CNTNAP5: variants seen among roughly 807,000 people sequenced by gnomAD.
CNTNAP5 encodes contactin associated protein family member 5.
Under a neutral mutation model 150.2 loss-of-function variants are expected in CNTNAP5, and 72 were observed. That is an observed-to-expected ratio of 0.48 (90% CI 0.40 to 0.58). CNTNAP5 has a LOEUF of 0.58. Among genes scored for constraint, CNTNAP5 ranks in the 20% least tolerant of loss-of-function variants. CNTNAP5 has a pLI of 0.00. For synonymous variants in CNTNAP5, 672 were observed against 619.8 expected (o/e 1.08, Z -1.25); for missense variants, 1,636 against 1,626.2 (o/e 1.01, Z -0.10).
chr2:124,874,390 G>A (rs1459777018), intron 21 of CNTNAP5, among the ~76,000 whole-genome samples: 1 of 152,036 alleles, frequency 6.6e-6, no homozygotes, highest in East Asian at 1.9e-4. Flanking sequence ...TTCAAACATA[G>A]TGTGCTTTAT....
intron 19 of CNTNAP5, among the ~76,000 whole-genome samples, chr2:124,803,632 C>CT (rs1320517284): frequency 6.6e-6 from 1 of 152,140 alleles, no homozygotes; most frequent in East Asian, 1.9e-4. Flanking sequence ...TTTTATCAAT[C>CT]TTTTTTTAAG....
intron 1 of CNTNAP5, among the ~76,000 whole-genome samples, chr2:124,122,794 C>CACA (rs1558764219): frequency 1.1e-4 from 14 of 128,980 alleles, no homozygotes; most frequent in East Asian, 2.5e-4. Context: ...ACACACACAC[C>CACA]CACACCTTTT....
At chr2:124,775,494 T>C (rs1198299939) in intron 17 of CNTNAP5, among the ~76,000 whole-genome samples, 2 of 152,308 alleles carry the variant, frequency 1.3e-5, no homozygotes, top group Non-Finnish European at 2.9e-5. Context: ...TCAATCAAAA[T>C]GGAGCATCCT....
chr2:124,833,142 T>C (rs1355613940), intron 19 of CNTNAP5, among the ~76,000 whole-genome samples: 1 of 152,116 alleles, frequency 6.6e-6, no homozygotes, highest in East Asian at 1.9e-4. Context: ...ACTCCTGAGC[T>C]CAAGAGATCT....
intron 1 of CNTNAP5, among the ~76,000 whole-genome samples, chr2:124,165,241 C>T (rs2699367): frequency 0.33 from 49,832 of 151,962 alleles, 9,160 homozygotes; most frequent in Admixed American, 0.4. Context: ...TAATTAGTCA[C>T]TTTGCTTGGT....
intron 3 of CNTNAP5, among the ~76,000 whole-genome samples, chr2:124,244,719 A>G (rs892787974): frequency 4.6e-5 from 7 of 152,312 alleles, no homozygotes; most frequent in African/African-American, 1.7e-4. Flanking sequence ...GGTCATGTAC[A>G]GTAACTAGGC....
chr2:124,589,863 C>T (rs1452194971), intron 11 of CNTNAP5, among the ~76,000 whole-genome samples: 3 of 152,166 alleles, frequency 2.0e-5, no homozygotes, highest in East Asian at 1.9e-4. Context: ...ATTCCTCCTG[C>T]TATCCTTGCT....
intron 10 of CNTNAP5, among the ~76,000 whole-genome samples, chr2:124,561,451 C>A (rs1470885042): frequency 6.6e-6 from 1 of 152,004 alleles, no homozygotes; most frequent in Non-Finnish European, 1.5e-5. Context: ...AAGCCTGTGG[C>A]CTCTGCTGTC....
rs566190968 is a variant in CNTNAP5, at chr2:124,610,533, A to G, written c.1876+613A>G. ...TTCTCTGGAAATTTCTTGATAGCTT[A>G]AACTTATTTCTCAAATGCAGAAGGA... On this transcript the variant is annotated intron_variant, in intron 12 of 23. Coordinates refer to ENST00000682447, the MANE Select transcript of CNTNAP5 (RefSeq NM_001367498.1). Among the ~76,000 whole-genome samples the G allele has an allele frequency of 4.6e-5, 7 of 152,356 alleles. No homozygotes were observed. In the South Asian group the frequency reaches 1.4e-3, roughly 32 times the overall value.
At chr2:124,140,448 G>A (rs1391188626) in intron 1 of CNTNAP5, among the ~76,000 whole-genome samples, 16 of 115,524 alleles carry the variant, frequency 1.4e-4, no homozygotes, top group Non-Finnish European at 1.6e-4. Flanking sequence ...ATCTGAGAAC[G>A]GGCAGACTGC....
chr2:124,801,531 T>A (rs1475932038), intron 19 of CNTNAP5, among the ~76,000 whole-genome samples: 1 of 152,220 alleles, frequency 6.6e-6, no homozygotes, highest in Non-Finnish European at 1.5e-5. Flanking sequence ...CCATAATAAC[T>A]ATCACAGGAG....
At chr2:124,250,956 G>T (rs2104779400) in intron 3 of CNTNAP5, among the ~76,000 whole-genome samples, 1 of 152,198 alleles carries the variant, frequency 6.6e-6, no homozygotes, top group East Asian at 1.9e-4. Context: ...AATGTTAATT[G>T]CAGATAAAGG....
At chr2:124,707,974 G>A (rs897835033) in intron 13 of CNTNAP5, among the ~76,000 whole-genome samples, 2 of 152,162 alleles carry the variant, frequency 1.3e-5, no homozygotes, top group Non-Finnish European at 2.9e-5. Flanking sequence ...TGATGTAACA[G>A]AAACTGCTGA....
At chr2:124,096,334 A>G (rs1195654764) in intron 1 of CNTNAP5, among the ~76,000 whole-genome samples, 3 of 152,210 alleles carry the variant, frequency 2.0e-5, no homozygotes, top group Admixed American at 2.0e-4. Context: ...TGAAAGGATT[A>G]TAGAAAAATC....
chr2:124,675,973 G>A (rs919529614), intron 13 of CNTNAP5, among the ~76,000 whole-genome samples: 2 of 152,064 alleles, frequency 1.3e-5, no homozygotes, highest in Non-Finnish European at 2.9e-5. Context: ...ATATAATGTG[G>A]AAATTCTGAA....
chr2:124,711,024 G>T (rs554655756), intron 13 of CNTNAP5, among the ~76,000 whole-genome samples: 1 of 152,012 alleles, frequency 6.6e-6, no homozygotes, highest in Non-Finnish European at 1.5e-5. Flanking sequence ...TGTAATCCCC[G>T]CACTTTGGGA....
intron 13 of CNTNAP5, among the ~76,000 whole-genome samples, chr2:124,667,251 T>C (rs756755665): frequency 2.6e-5 from 4 of 152,218 alleles, no homozygotes; most frequent in Non-Finnish European, 5.9e-5. Context: ...GTATTTCTAC[T>C]TCCTGCTAAA....
At chr2:124,607,862 G>A (rs1235502644) in intron 11 of CNTNAP5, among the ~76,000 whole-genome samples, 15 of 152,106 alleles carry the variant, frequency 9.9e-5, no homozygotes, top group Admixed American at 4.6e-4. Flanking sequence ...AACACCCAAG[G>A]GCATTATCAG....
At chr2:124,224,342 A>G (rs1007740978) in intron 2 of CNTNAP5, among the ~76,000 whole-genome samples, 1 of 152,156 alleles carries the variant, frequency 6.6e-6, no homozygotes, top group African/African-American at 2.4e-5. Flanking sequence ...GACATGGATA[A>G]TACCATTACC....
Sources: gnomAD v4.1 joint callset for allele counts (sites outside exome capture counted in the v4.1 genomes callset) on GRCh38, gnomAD v4.1.1 for gene constraint, MANE v1.5 for transcripts, NCBI Gene and HGNC (gene_info 2026-07-23, HGNC 2026-07-21) for gene names.